The following EXOC5 variants were observed in gnomAD, a reference collection of about 807,000 sequenced individuals.
EXOC5 encodes exocyst complex component 5.
EXOC5 carries 17 observed loss-of-function variants against 90.8 expected under a neutral mutation model. The observed-to-expected ratio is 0.19, with a 90% CI of 0.13 to 0.28. The LOEUF (loss-of-function observed/expected upper bound fraction) is 0.28, where lower values mean the gene tolerates loss of function less well. EXOC5 is among the 10% of genes least tolerant of loss of function. The pLI, the probability that EXOC5 is intolerant of heterozygous loss-of-function variation, is 1.00. For synonymous variants in EXOC5, 260 were observed against 270.0 expected (o/e 0.96, Z 0.36); for missense variants, 569 against 830.6 (o/e 0.69, Z 3.87).
At chr14:57,265,283 G>A (rs1884636654) in intron 1 of EXOC5, among the ~76,000 whole-genome samples, 1 of 152,026 alleles carries the variant, frequency 6.6e-6, no homozygotes, top group Non-Finnish European at 1.5e-5. Context: ...ATTAACCCTA[G>A]TTACTAACCA....
chr14:57,219,476 T>C (rs1444155752), intron 13 of EXOC5, 34 bp from the exon 14 acceptor site: 4 of 1,513,102 alleles, frequency 2.6e-6, no homozygotes, highest in Non-Finnish European at 3.5e-6. Context: ...GTTAGAATCA[T>C]CCTTGAAGAA....
chr14:57,243,645 AG>A (rs1883943804), intron 4 of EXOC5: 1 of 152,566 alleles, frequency 6.6e-6, no homozygotes, highest in Non-Finnish European at 1.5e-5. Context: ...TGCTATGAAA[AG>A]GATTAACATA....
rs752054409 is a variant in EXOC5, at chr14:57,231,660, T to C, written c.994A>G (p.Thr332Ala). ...GATTTGATAAGCTTAGACAAGAAAG[T>C]CTGTTTATCAGTACCTAAATTAAAC... ...MEFNLGTDKQ[T>A]FLSKLIKSIF... Residue 332 changes from threonine to alanine, a missense_variant, in exon 11 of 18, where the codon ACT becomes GCT. Physicochemically the swap from Thr to Ala is moderately conservative, Grantham distance 58 (BLOSUM62 0). This residue lies in a region of EXOC5 where 114 missense variants were observed against 111.2 expected (regional missense o/e 1.03). Transcript: ENST00000621441. 89 of 1,613,232 alleles carry C rather than the reference T, an allele frequency of 5.5e-5. No individual in the cohort carries two copies. The highest frequency in any genetic ancestry group is 7.1e-5 in the Non-Finnish European group (84 of 1,179,592).
At chr14:57,238,231 C>T (rs1009265392) in intron 5 of EXOC5, among the ~76,000 whole-genome samples, 2,215 of 148,926 alleles carry the variant, frequency 0.015, 67 homozygotes, top group African/African-American at 0.052. Flanking sequence ...TATACACACA[C>T]ACACACACAC....
chr14:57,228,274 C>A (rs897100692), intron 12 of EXOC5, among the ~76,000 whole-genome samples: 1 of 152,078 alleles, frequency 6.6e-6, no homozygotes, highest in African/African-American at 2.4e-5. Context: ...ACTAGTACAA[C>A]CATTGTGGAA....
intron 15 of EXOC5, among the ~76,000 whole-genome samples, chr14:57,213,583 T>C (rs1242612350): frequency 6.6e-6 from 1 of 151,792 alleles, no homozygotes. Flanking sequence ...AATTTTTGTA[T>C]TTTTAGTAGA....
rs1334473798 is a variant in EXOC5 at position 57,268,795 on chromosome 14, G to A, written c.-147C>T. On this transcript the variant is annotated 5_prime_UTR_variant, in exon 1 of 18. Transcript: ENST00000621441. ...GCTCCCCAGCTCCCCACAGATCCCA[G>A]GAGGGGCGGGAGAGCGGCCATGAAG... 6 of 1,408,326 alleles carry A rather than the reference G, an allele frequency of 4.3e-6. No individual in the cohort carries two copies. The highest frequency in any genetic ancestry group is 3.2e-5 in the Admixed American group (1 of 31,546). 87.2% of individuals were successfully genotyped at this position (1,408,326 alleles called of 1,614,324 possible).
intron 1 of EXOC5, 78 bp from the exon 2 acceptor site, chr14:57,247,790 C>T: frequency 1.6e-6 from 1 of 625,210 alleles, no homozygotes; most frequent in South Asian, 2.9e-5. Flanking sequence ...AAAACAGCTT[C>T]TACTAGGTAA....
chr14:57,214,116 C>G (rs1258255871), intron 15 of EXOC5, among the ~76,000 whole-genome samples: 1 of 152,148 alleles, frequency 6.6e-6, no homozygotes, highest in Non-Finnish European at 1.5e-5. Context: ...AGCACACACA[C>G]AGGTCTTGGC....
chr14:57,266,759 T>C (rs1328993564), intron 1 of EXOC5, among the ~76,000 whole-genome samples: 1 of 150,204 alleles, frequency 6.7e-6, no homozygotes. Flanking sequence ...ATATAAAACG[T>C]ATATATATAC....
chr14:57,212,245 A>T (rs945510665), intron 15 of EXOC5, among the ~76,000 whole-genome samples: 1 of 152,232 alleles, frequency 6.6e-6, no homozygotes, highest in Non-Finnish European at 1.5e-5. Flanking sequence ...ATTGGGAAAG[A>T]GTATGACACG....
chr14:57,257,670 G>C (rs1303190423), intron 1 of EXOC5, among the ~76,000 whole-genome samples: 2 of 151,600 alleles, frequency 1.3e-5, no homozygotes, highest in Non-Finnish European at 2.9e-5. Flanking sequence ...TTCCAAAAAA[G>C]CAAAAAATAA....
At chr14:57,231,461 TTAA>T (rs1171673898) in intron 11 of EXOC5, 42 bp downstream of exon 11, 3 of 1,328,236 alleles carry the variant, frequency 2.3e-6, no homozygotes, top group East Asian at 2.3e-5. Context: ...AATGAAGTTA[TTAA>T]TGTCTTCAGT....
At chr14:57,252,671 T>G (rs980805108) in intron 1 of EXOC5, among the ~76,000 whole-genome samples, 1 of 152,156 alleles carries the variant, frequency 6.6e-6, no homozygotes, top group African/African-American at 2.4e-5. Flanking sequence ...AGGGAACCCT[T>G]GCACACTGTT....
At chr14:57,212,600 A>C (rs977999861) in intron 15 of EXOC5, among the ~76,000 whole-genome samples, 4 of 152,226 alleles carry the variant, frequency 2.6e-5, no homozygotes, top group African/African-American at 4.8e-5. Context: ...ATGCCAACAT[A>C]GTGGTGTTTC....
chr14:57,240,010 G>C (rs1883808022), intron 4 of EXOC5, among the ~76,000 whole-genome samples: 1 of 152,032 alleles, frequency 6.6e-6, no homozygotes, highest in Admixed American at 6.6e-5. Context: ...AGAATTCTAA[G>C]TTTATGAACC....
At chr14:57,228,184 A>G (rs1386865618) in intron 12 of EXOC5, among the ~76,000 whole-genome samples, 1 of 152,224 alleles carries the variant, frequency 6.6e-6, no homozygotes, top group African/African-American at 2.4e-5. Context: ...AATGGCAATC[A>G]TTAAACAGTC....
In EXOC5 at chr14:57,206,182, C is replaced by T. The variant is rs573866469; in HGVS notation, c.*2427G>A. The T allele has an allele frequency of 7.2e-5, 22 of 303,658 alleles. No individual in the cohort carries two copies. The highest frequency in any genetic ancestry group is 1.8e-4 in the Admixed American group (4 of 22,218). 18.8% of individuals were successfully genotyped at this position (303,658 alleles called of 1,614,324 possible). A position where few individuals can be genotyped will look rare whatever the true frequency, so the allele number is the denominator to read the frequency against. On this transcript the variant is annotated 3_prime_UTR_variant, in exon 18 of 18. Transcript: ENST00000621441. Reference sequence around the variant, plus strand: ...TGTAATACTGCAAAGACCGTACTTACGTAAATGTTGGTTAAAGTTACCAAT... The same window carrying T: ...TGTAATACTGCAAAGACCGTACTTATGTAAATGTTGGTTAAAGTTACCAAT...
intron 4 of EXOC5, chr14:57,243,602 C>T (rs894919077): frequency 6.6e-6 from 1 of 152,154 alleles, no homozygotes; most frequent in South Asian, 2.1e-4. Context: ...GCAGCCAATA[C>T]CATGTACCCT....
Sources: gnomAD v4.1 joint callset for allele counts (sites outside exome capture counted in the v4.1 genomes callset) on GRCh38, gnomAD v4.1.1 for gene constraint, gnomAD v4.1.1 regional missense constraint, MANE v1.5 for transcripts, NCBI Gene and HGNC (gene_info 2026-07-23, HGNC 2026-07-21) for gene names.